CNIH3: variants seen among roughly 807,000 people sequenced by gnomAD.
The protein encoded by CNIH3 is protein cornichon homolog 3.
In CNIH3, 14 loss-of-function variants were observed where a neutral mutation model predicts 24.1. The ratio of observed to expected loss-of-function variants is 0.58; its 90% confidence interval spans 0.38 to 0.91. The LOEUF is 0.91. Ranked by LOEUF, CNIH3 falls within the 40% of genes least tolerant of loss-of-function variation. The pLI is 0.00. For missense variants in CNIH3, 178 were observed against 196.8 expected, an observed-to-expected ratio of 0.90 and a Z score of 0.57; for synonymous variants, 68 against 73.8, an observed-to-expected ratio of 0.92 and a Z score of 0.40.
At chr1:224,560,383 C>T (rs973344973) in intron 3 of CNIH3, among the ~76,000 whole-genome samples, 2 of 152,110 alleles carry the variant, frequency 1.3e-5, no homozygotes, top group African/African-American at 4.8e-5. Context: ...CTTTTCAGCA[C>T]TTTGTGTTAT....
At chr1:224,573,554 G>T (rs1024157292) in intron 4 of CNIH3, among the ~76,000 whole-genome samples, 1 of 152,178 alleles carries the variant, frequency 6.6e-6, no homozygotes. Flanking sequence ...CTTTTCTAAG[G>T]CAGAATAAGG....
exon 1 of CNIH3, chr1:224,434,751 C>T: frequency 4.1e-6 from 4 of 987,182 alleles, no homozygotes; most frequent in East Asian, 1.1e-4. Context: ...GGATCCGCTC[C>T]GCTCTGCTCC....
intron 3 of CNIH3, among the ~76,000 whole-genome samples, chr1:224,550,690 G>A (rs545228728): frequency 2.4e-4 from 37 of 152,228 alleles, no homozygotes; most frequent in African/African-American, 8.7e-4. Context: ...AAATATCAGA[G>A]CGATGATATT....
chr1:224,504,161 C>T (rs1485535063), intron 1 of CNIH3, among the ~76,000 whole-genome samples: 1 of 152,190 alleles, frequency 6.6e-6, no homozygotes, highest in Non-Finnish European at 1.5e-5. Flanking sequence ...AACCTGAAAC[C>T]CTACTGTTGC....
intron 3 of CNIH3, among the ~76,000 whole-genome samples, chr1:224,702,261 T>C (rs1687536405): frequency 6.6e-6 from 1 of 152,228 alleles, no homozygotes; most frequent in South Asian, 2.1e-4. Context: ...ACAATTTATT[T>C]AGCCATTTTC....
At chr1:224,730,194 G>A (rs891043059) in intron 3 of CNIH3, 2 of 332,296 alleles carry the variant, frequency 6.0e-6, no homozygotes, top group Non-Finnish European at 1.1e-5. Context: ...TGACCCCTAG[G>A]AGCAAGCGTG....
In CNIH3 at chr1:224,444,637, C is replaced by T. The variant is rs116411549; in HGVS notation, n.203+9775C>T. On this transcript the variant is annotated intron_variant and non_coding_transcript_variant, in intron 1 of 5. Transcript: ENST00000471578. ...TGCCGAGATTACAGGCATGAGCCACCGCGCCCTGCTGGTTTCTTTTTTTTT... is the reference window on the plus strand; with the variant it reads ...TGCCGAGATTACAGGCATGAGCCACTGCGCCCTGCTGGTTTCTTTTTTTTT... Among the ~76,000 whole-genome samples, 1,006 of 151,706 alleles carry T rather than the reference C, an allele frequency of 6.6e-3. 9 individuals carry two copies. Among genetic ancestry groups the T allele is most frequent in the African/African-American group, 0.023 (942 of 41,372 alleles).
At chr1:224,461,226 C>T (rs1038729277) in intron 1 of CNIH3, among the ~76,000 whole-genome samples, 1 of 152,056 alleles carries the variant, frequency 6.6e-6, no homozygotes, top group Non-Finnish European at 1.5e-5. Flanking sequence ...TGGTTTCGAA[C>T]ACGTGACCTC....
At chr1:224,611,538 C>T (rs1469096618), upstream of CNIH3, 5 of 152,222 alleles carry the variant, frequency 3.3e-5, no homozygotes, top group African/African-American at 4.8e-5. Flanking sequence ...CTTCTTAATG[C>T]GTTGATTTCC....
intron 3 of CNIH3, among the ~76,000 whole-genome samples, chr1:224,728,435 C>T (rs1397488137): frequency 6.6e-6 from 1 of 152,112 alleles, no homozygotes; most frequent in Non-Finnish European, 1.5e-5. Context: ...GCTGGTGGTA[C>T]CTGCTTCACC....
chr1:224,489,091 T>C (rs1377895715), intron 1 of CNIH3, among the ~76,000 whole-genome samples: 3 of 152,248 alleles, frequency 2.0e-5, no homozygotes, highest in Non-Finnish European at 4.4e-5. Flanking sequence ...TGTCAATACA[T>C]TGCAGAGATT....
downstream of CNIH3, among the ~76,000 whole-genome samples, chr1:224,592,148 C>CGGTATGTGTGTGTAT (rs1163909822): frequency 4.6e-4 from 70 of 150,822 alleles, no homozygotes; most frequent in Admixed American, 2.1e-3. Flanking sequence ...TGTGTGTGTA[C>CGGTATGTGTGTGTAT]GGTATGTGTG....
At chr1:224,569,054 G>T (rs1680705813) in intron 4 of CNIH3, among the ~76,000 whole-genome samples, 1 of 152,138 alleles carries the variant, frequency 6.6e-6, no homozygotes, top group South Asian at 2.1e-4. Flanking sequence ...TTTTAGTAGA[G>T]ACGGGGTTTC....
chr1:224,450,130 A>G (rs1675333058), intron 1 of CNIH3, among the ~76,000 whole-genome samples: 2 of 152,196 alleles, frequency 1.3e-5, no homozygotes, highest in African/African-American at 2.4e-5. Flanking sequence ...TATGCAAGAC[A>G]CTTCAAGGTG....
intron 1 of CNIH3, among the ~76,000 whole-genome samples, chr1:224,646,827 A>C (rs1282989040): frequency 6.6e-6 from 1 of 152,178 alleles, no homozygotes. Flanking sequence ...TACACTGGTG[A>C]ACTATAGAGT....
chr1:224,656,600 A>G (rs1340606669), intron 1 of CNIH3, among the ~76,000 whole-genome samples: 1 of 152,160 alleles, frequency 6.6e-6, no homozygotes, highest in African/African-American at 2.4e-5. Context: ...GGGATCCCAG[A>G]GGGACTGACT....
intron 3 of CNIH3, among the ~76,000 whole-genome samples, chr1:224,725,930 T>C (rs1412183785): frequency 2.0e-5 from 3 of 152,238 alleles, no homozygotes; most frequent in African/African-American, 7.2e-5. Context: ...CACACGATTC[T>C]ATTGTTTTCA....
intron 3 of CNIH3, among the ~76,000 whole-genome samples, chr1:224,721,926 A>C (rs1688744580): frequency 6.6e-6 from 1 of 152,214 alleles, no homozygotes; most frequent in Admixed American, 6.5e-5. Flanking sequence ...CACCAGCTGC[A>C]GGGCTGCAGG....
chr1:224,508,498 T>G (rs775984180), intron 1 of CNIH3, among the ~76,000 whole-genome samples: 3 of 152,232 alleles, frequency 2.0e-5, no homozygotes, highest in Non-Finnish European at 4.4e-5. Flanking sequence ...CATGGACCAT[T>G]AGTTATACCC....
Sources: allele counts gnomAD v4.1 joint callset (sites outside exome capture counted in the v4.1 genomes callset), GRCh38; gene constraint gnomAD v4.1.1; transcripts MANE v1.5; gene names NCBI Gene and HGNC (gene_info 2026-07-23, HGNC 2026-07-21).